LSM5: variants seen among roughly 807,000 people sequenced by gnomAD.
LSM5 encodes the protein LSM5 homolog, U6 small nuclear RNA and mRNA degradation associated.
A neutral mutation model predicts 13.8 loss-of-function variants in LSM5; 8 were observed. The observed-to-expected ratio is 0.58, with a 90% confidence interval of 0.34 to 1.04. The LOEUF (loss-of-function observed/expected upper bound fraction) is 1.04. Among genes scored for constraint, LSM5 ranks in the 50% least tolerant of loss-of-function variants. The pLI is 0.03. For synonymous variants in LSM5, 35 were observed against 37.0 expected, an observed-to-expected ratio of 0.95 and a Z score of 0.20; for missense variants, 80 against 108.1, an observed-to-expected ratio of 0.74 and a Z score of 1.15.
At chr7:32,493,970 G>C (rs1300137832), upstream of LSM5, among the ~76,000 whole-genome samples, 3 of 151,854 alleles carry the variant, frequency 2.0e-5, no homozygotes, top group Non-Finnish European at 4.4e-5. Flanking sequence ...TCCTGTCTCA[G>C]CCGTCCGAGT....
upstream of LSM5, chr7:32,495,214 G>A (rs1411464066): frequency 6.5e-6 from 1 of 154,000 alleles, no homozygotes; most frequent in African/African-American, 2.4e-5. Context: ...GAAAAAGCAG[G>A]TGTGCCACGC....
rs1458409404 is a variant in LSM5, at chr7:32,490,071, C to G, written c.46+249G>C. The G allele has an allele frequency of 5.4e-6, 8 of 1,478,456 alleles. No individual in the cohort carries two copies. The African/African-American group carries it at 9.8e-5, about 18-fold the overall frequency. 91.6% of individuals were successfully genotyped at this position (1,478,456 alleles called of 1,614,324 possible). A position where few individuals can be genotyped will look rare whatever the true frequency, so the allele number is the denominator to read the frequency against. On this transcript the variant is annotated intron_variant, in intron 1 of 4. Transcript: ENST00000450169. ...CTCACAACAAAGTAGGCCGACGACGCGTTCACTAAATGTGGACCTTTTCCA... is the reference window on the plus strand; with the variant it reads ...CTCACAACAAAGTAGGCCGACGACGGGTTCACTAAATGTGGACCTTTTCCA...
chr7:32,494,484 G>C (rs1786687019), upstream of LSM5, among the ~76,000 whole-genome samples: 1 of 152,202 alleles, frequency 6.6e-6, no homozygotes, highest in Non-Finnish European at 1.5e-5. Flanking sequence ...GCTATGGTTA[G>C]ATTAGAACAG....
At position 32,486,460 on chromosome 7, in the gene LSM5, C is replaced by A. The variant is rs1040497224; in HGVS notation, c.*801G>T. The A allele has an allele frequency of 6.6e-6, 1 of 152,186 alleles. No homozygotes were observed. Among genetic ancestry groups the A allele is most frequent in the Admixed American group, 6.5e-5 (1 of 15,276 alleles). 9.4% of individuals were successfully genotyped at this position (152,186 alleles called of 1,614,324 possible). ...TGCTTACCTACAATTCTACGATGTG[C>A]ATATATTACCTGTTTGTTTTTAATA... is the stretch of plus-strand genomic sequence containing the variant. On this transcript the variant is annotated 3_prime_UTR_variant, in exon 5 of 5. Coordinates refer to ENST00000450169, the MANE Select transcript of LSM5 (RefSeq NM_012322.3).
intron 2 of LSM5, 88 bp from the exon 3 acceptor site, chr7:32,488,740 T>G: frequency 1.0e-6 from 1 of 959,916 alleles, no homozygotes. Flanking sequence ...TGTTTTTGTT[T>G]TGAGACAAAG....
intron 1 of LSM5, 134 bp downstream of exon 1, chr7:32,490,186 G>C (rs1786545173): frequency 1.9e-6 from 3 of 1,566,794 alleles, no homozygotes; most frequent in East Asian, 2.4e-5. Flanking sequence ...GCGAAGACTT[G>C]GAGCTCAGAG....
At chr7:32,487,402 C>T (rs1278024402) in intron 4 of LSM5, 109 bp from the exon 5 acceptor site, 2 of 783,342 alleles carry the variant, frequency 2.6e-6, no homozygotes, top group Non-Finnish European at 2.2e-6. Context: ...TCCACGTTCC[C>T]ATTTTCTCCA....
At chr7:32,494,302 T>C (rs1405868769), upstream of LSM5, among the ~76,000 whole-genome samples, 2 of 152,242 alleles carry the variant, frequency 1.3e-5, no homozygotes, top group African/African-American at 4.8e-5. Flanking sequence ...ATATTCTGCA[T>C]ACAGGGAGCA....
chr7:32,490,262 C>A (rs749954701), intron 1 of LSM5, 58 bp downstream of exon 1: 8 of 1,613,876 alleles, frequency 5.0e-6, no homozygotes, highest in Non-Finnish European at 6.8e-6. Flanking sequence ...AACAGCCCCT[C>A]GGCCCCCAAT....
Position 32,487,183 on chromosome 7 carries a change from T to C in LSM5, c.*78A>G. ...ACTTAGCTTTATGGGATTTAAACATTAGAAAGTGGGAAAAAAAATTCCATT... is the reference window on the plus strand; with the variant it reads ...ACTTAGCTTTATGGGATTTAAACATCAGAAAGTGGGAAAAAAAATTCCATT... On this transcript the variant is annotated 3_prime_UTR_variant, in exon 5 of 5. Coordinates refer to ENST00000450169, the MANE Select transcript of LSM5 (RefSeq NM_012322.3). 7.7e-7 allele frequency: 1 copy of C among 1,299,988 alleles called. No individual in the cohort carries two copies. Among genetic ancestry groups the C allele is most frequent in the South Asian group, 1.2e-5 (1 of 82,026 alleles). The allele number at this position is 1,299,988 out of a possible 1,614,324, so 80.5% of individuals were successfully genotyped here.
At chr7:32,490,529 G>A, upstream of LSM5, 1 of 629,686 alleles carries the variant, frequency 1.6e-6, no homozygotes, top group Non-Finnish European at 2.9e-6. Flanking sequence ...CGGCAAGTGA[G>A]ATCCGGTGAA....
Position 32,487,778 on chromosome 7 carries a change from C to T in LSM5, c.171-21G>A, listed in dbSNP as rs143951629. 122 of 1,222,176 alleles carry T rather than the reference C, an allele frequency of 1.0e-4. No individual in the cohort carries two copies. In the East Asian group the frequency reaches 2.8e-3, roughly 28 times the overall value. The allele number at this position is 1,222,176 out of a possible 1,614,324, so 75.7% of individuals were successfully genotyped here. A position where few individuals can be genotyped will look rare whatever the true frequency, so the allele number is the denominator to read the frequency against. On this transcript the variant is annotated intron_variant, in intron 3 of 4. Transcript: ENST00000450169. ...TTTCACTAAATGAATAGATAAAATACAGTCAGGACAAACAGTGAAAATCAA... is the reference window on the plus strand; with the variant it reads ...TTTCACTAAATGAATAGATAAAATATAGTCAGGACAAACAGTGAAAATCAA...
upstream of LSM5, among the ~76,000 whole-genome samples, chr7:32,492,681 T>C (rs776148189): frequency 1.3e-5 from 2 of 152,218 alleles, no homozygotes; most frequent in Non-Finnish European, 2.9e-5. Flanking sequence ...ATTTTTATTA[T>C]TTTCTCTCCT....
At chr7:32,491,754 C>T (rs1407583944), upstream of LSM5, among the ~76,000 whole-genome samples, 1 of 152,142 alleles carries the variant, frequency 6.6e-6, no homozygotes, top group Non-Finnish European at 1.5e-5. Context: ...GCACATAGCC[C>T]TTTTAAACAT....
In LSM5 at chr7:32,486,174, A is replaced by G. The variant is rs1233706447; in HGVS notation, c.*1087T>C. 1 of 152,194 alleles carries G rather than the reference A, an allele frequency of 6.6e-6. No homozygotes were observed. Among genetic ancestry groups the G allele is most frequent in the East Asian group, 1.9e-4 (1 of 5,200 alleles). 9.4% of individuals were successfully genotyped at this position (152,194 alleles called of 1,614,324 possible). A position where few individuals can be genotyped will look rare whatever the true frequency, so the allele number is the denominator to read the frequency against. ...TTGAGTTTATTCTAGAAAAATACAA[A>G]TGTATAAAGATCTAGTTAGACTACT... On this transcript the variant is annotated 3_prime_UTR_variant, in exon 5 of 5. Coordinates refer to ENST00000450169, the MANE Select transcript of LSM5 (RefSeq NM_012322.3).
chr7:32,487,667 A>G lies in LSM5; in HGVS notation c.243+18T>C, dbSNP rs1395134807. On this transcript the variant is annotated intron_variant, in intron 4 of 4. Coordinates refer to ENST00000450169, the MANE Select transcript of LSM5 (RefSeq NM_012322.3). ...AAATGGGCTCCCATCAAAATAAAAC[A>G]GTTTCAATGTGTCTTACCATTGTTA... is the stretch of plus-strand genomic sequence containing the variant. 3.0e-6 allele frequency: 4 copies of G among 1,324,592 alleles called. No individual in the cohort carries two copies. The highest frequency in any genetic ancestry group is 4.4e-6 in the Non-Finnish European group (4 of 916,798). 82.1% of individuals were successfully genotyped at this position (1,324,592 alleles called of 1,614,324 possible).
At chr7:32,488,045 T>TG (rs1199410620) in intron 3 of LSM5, 4 of 228,096 alleles carry the variant, frequency 1.8e-5, no homozygotes, top group East Asian at 1.1e-4. Flanking sequence ...AAATGTTTTT[T>TG]GGGTTTTTTT....
chr7:32,489,420 G>T, intron 1 of LSM5, 76 bp from the exon 2 acceptor site: 1 of 789,396 alleles, frequency 1.3e-6, no homozygotes, highest in Non-Finnish European at 2.2e-6. Context: ...ACTCTTACTT[G>T]CATATAGTGA....
intron 1 of LSM5, chr7:32,490,048 C>G (rs1396233750): frequency 1.4e-6 from 2 of 1,431,030 alleles, no homozygotes; most frequent in African/African-American, 2.8e-5. Flanking sequence ...GAGGCGGGCT[C>G]ACAACAAAGT....
Sources: allele counts gnomAD v4.1 joint callset (sites outside exome capture counted in the v4.1 genomes callset), GRCh38; gene constraint gnomAD v4.1.1; transcripts MANE v1.5; gene names NCBI Gene and HGNC (gene_info 2026-07-23, HGNC 2026-07-21).